DLC1: variants seen among roughly 807,000 people sequenced by gnomAD.
The protein encoded by DLC1 is DLC1 Rho GTPase activating protein, also known as rho GTPase-activating protein 7.
In DLC1, 54 loss-of-function variants were observed where a neutral mutation model predicts 140.3. The ratio of observed to expected loss-of-function variants is 0.38; its 90% CI spans 0.31 to 0.48. The LOEUF is 0.48. Ranked by LOEUF, DLC1 falls within the 20% of genes least tolerant of loss-of-function variation. The probability of loss-of-function intolerance (pLI) is 0.96; values close to 1 mark genes in which losing one functional copy is unlikely to be tolerated. For missense variants in DLC1, 2,536 were observed against 1,907.0 expected (o/e 1.33, Z -6.14); for synonymous variants, 986 against 728.1 (o/e 1.35, Z -5.70).
chr8:13,418,531 G>A (rs1308165169), intron 2 of DLC1, among the ~76,000 whole-genome samples: 5 of 152,094 alleles, frequency 3.3e-5, no homozygotes, highest in Non-Finnish European at 5.9e-5. Flanking sequence ...TTGTAGATAA[G>A]CAGCGTTATT....
At chr8:13,319,445 A>G (rs1163228559) in intron 4 of DLC1, among the ~76,000 whole-genome samples, 7 of 132,750 alleles carry the variant, frequency 5.3e-5, no homozygotes, top group African/African-American at 2.1e-4. Flanking sequence ...TGTAATCCCC[A>G]GTGCTGGAGG....
intron 1 of DLC1, among the ~76,000 whole-genome samples, chr8:13,571,260 T>A (rs1804643838): frequency 6.6e-6 from 1 of 152,176 alleles, no homozygotes; most frequent in African/African-American, 2.4e-5. Flanking sequence ...TTATTAATAG[T>A]ACCATTCAGT....
intron 1 of DLC1, among the ~76,000 whole-genome samples, chr8:13,564,176 G>A (rs116105859): frequency 0.072 from 10,896 of 152,050 alleles, 510 homozygotes; most frequent in African/African-American, 0.12. Flanking sequence ...TCAGAAAAAA[G>A]ATAATAACAC....
chr8:13,427,408 C>T (rs1329674663), intron 2 of DLC1, among the ~76,000 whole-genome samples: 1 of 152,206 alleles, frequency 6.6e-6, no homozygotes, highest in East Asian at 1.9e-4. Context: ...CTTGACCCTG[C>T]ATCATCATTC....
chr8:13,428,434 T>C (rs1025472339), intron 2 of DLC1, among the ~76,000 whole-genome samples: 2 of 152,180 alleles, frequency 1.3e-5, no homozygotes, highest in Non-Finnish European at 2.9e-5. Context: ...CTTTTATAAG[T>C]TTTTACTGAA....
intron 1 of DLC1, among the ~76,000 whole-genome samples, chr8:13,507,801 A>G (rs570527077): frequency 6.6e-6 from 1 of 152,212 alleles, no homozygotes; most frequent in Non-Finnish European, 1.5e-5. Context: ...TTAAAGAATA[A>G]GTCATCTATA....
intron 4 of DLC1, among the ~76,000 whole-genome samples, chr8:13,364,166 A>C (rs1224535570): frequency 1.3e-5 from 2 of 152,210 alleles, no homozygotes; most frequent in African/African-American, 2.4e-5. Context: ...TTTCTTGTCC[A>C]GATTCTTCAG....
At chr8:13,328,154 C>A (rs986764462) in intron 4 of DLC1, among the ~76,000 whole-genome samples, 18 of 151,974 alleles carry the variant, frequency 1.2e-4, no homozygotes, top group African/African-American at 4.3e-4. Context: ...AGCACCTATA[C>A]GTGGGTTTTA....
chr8:13,205,622 T>C (rs1460357776), intron 5 of DLC1, among the ~76,000 whole-genome samples: 1 of 151,720 alleles, frequency 6.6e-6, no homozygotes, highest in Non-Finnish European at 1.5e-5. Context: ...AAAAAAAAAA[T>C]AGCAAAAAAT....
At chr8:13,374,363 A>T (rs1401107475) in intron 4 of DLC1, among the ~76,000 whole-genome samples, 1 of 152,196 alleles carries the variant, frequency 6.6e-6, no homozygotes, top group Non-Finnish European at 1.5e-5. Context: ...TCTGAAGGCT[A>T]AGCAGTTCAA....
chr8:13,444,110 G>GT (rs111967843), intron 2 of DLC1, among the ~76,000 whole-genome samples: 65,335 of 151,690 alleles, frequency 0.43, 14,356 homozygotes, highest in South Asian at 0.49. Context: ...TTCCTGGTTT[G>GT]TTTTTTTTGT....
At position 13,500,139 on chromosome 8, in the gene DLC1, G is replaced by A; in HGVS notation, c.-68C>T. ...GAGGGTAAAGGAGATGGAACTTGAT[G>A]AAAGATTATTTCAAAATCACCAATC... is the stretch of plus-strand genomic sequence containing the variant. On this transcript the variant is annotated 5_prime_UTR_variant, in exon 2 of 18. Transcript: ENST00000276297. 7.4e-7 allele frequency: 1 copy of A among 1,344,618 alleles called. No individual in the cohort carries two copies. Among genetic ancestry groups the A allele is most frequent in the Non-Finnish European group, 1.0e-6 (1 of 981,626 alleles). 83.3% of individuals were successfully genotyped at this position (1,344,618 alleles called of 1,614,324 possible).
intron 1 of DLC1, among the ~76,000 whole-genome samples, chr8:13,591,878 G>A (rs974271925): frequency 1.8e-4 from 27 of 152,212 alleles, no homozygotes; most frequent in Middle Eastern, 3.4e-3. Context: ...AAGATTAGAT[G>A]TAGGGAATGG....
At chr8:13,142,535 T>C (rs1823080611) in intron 5 of DLC1, among the ~76,000 whole-genome samples, 2 of 152,204 alleles carry the variant, frequency 1.3e-5, no homozygotes, top group African/African-American at 4.8e-5. Context: ...TATATAGTGC[T>C]TACTTAGGCT....
chr8:13,438,515 C>T (rs1299874872), intron 2 of DLC1, among the ~76,000 whole-genome samples: 1 of 152,062 alleles, frequency 6.6e-6, no homozygotes, highest in Non-Finnish European at 1.5e-5. Context: ...TTCCTATCAC[C>T]CCAAATCCTG....
chr8:13,425,401 A>G (rs977756793), intron 2 of DLC1, among the ~76,000 whole-genome samples: 2 of 152,218 alleles, frequency 1.3e-5, no homozygotes, highest in Non-Finnish European at 2.9e-5. Flanking sequence ...ATTTTTATTT[A>G]GATGAAAAGG....
intron 6 of DLC1, among the ~76,000 whole-genome samples, chr8:13,114,650 C>G (rs563157820): frequency 2.0e-5 from 3 of 152,072 alleles, no homozygotes; most frequent in Non-Finnish European, 4.4e-5. Flanking sequence ...ATATCTGCAA[C>G]ACGTGACCAA....
chr8:13,090,227 A>C, intron 15 of DLC1, 25 bp downstream of exon 15: 1 of 1,604,884 alleles, frequency 6.2e-7, no homozygotes, highest in Non-Finnish European at 8.5e-7. Flanking sequence ...GGACTCAACT[A>C]GCCGACAACA....
chr8:13,597,595 A>T (rs1805726186), intron 1 of DLC1, among the ~76,000 whole-genome samples: 1 of 152,052 alleles, frequency 6.6e-6, no homozygotes, highest in African/African-American at 2.4e-5. Context: ...TGTGTTTTAC[A>T]TTGTAATGTG....
Sources: gnomAD v4.1 joint callset for allele counts (sites outside exome capture counted in the v4.1 genomes callset) on GRCh38, gnomAD v4.1.1 for gene constraint, MANE v1.5 for transcripts, NCBI Gene and HGNC (gene_info 2026-07-23, HGNC 2026-07-21) for gene names.